IFNAR2: variants seen among roughly 807,000 people sequenced by gnomAD.
The protein encoded by IFNAR2 is interferon alpha/beta receptor 2.
A neutral mutation model predicts 49.4 loss-of-function variants in IFNAR2; 30 were observed. That is an observed-to-expected ratio of 0.61 (90% CI 0.45 to 0.82). IFNAR2 has a LOEUF of 0.82. IFNAR2 is among the 40% of genes least tolerant of loss of function. The probability of loss-of-function intolerance (pLI) is 0.00; values close to 1 mark genes in which losing one functional copy is unlikely to be tolerated. For synonymous variants in IFNAR2, 224 were observed against 234.5 expected (o/e 0.96, Z 0.41); for missense variants, 600 against 622.7 (o/e 0.96, Z 0.39).
chr21:33,240,407 C>G (rs1986831383), intron 1 of IFNAR2, among the ~76,000 whole-genome samples: 1 of 152,174 alleles, frequency 6.6e-6, no homozygotes, highest in Admixed American at 6.5e-5. Flanking sequence ...CTAGGTTTGT[C>G]TAAGTATACT....
chr21:33,259,248 T>C (rs1485196407), intron 7 of IFNAR2, among the ~76,000 whole-genome samples: 2 of 152,100 alleles, frequency 1.3e-5, no homozygotes, highest in South Asian at 4.1e-4. Flanking sequence ...CCATCTTTCA[T>C]GAAGAAGATA....
chr21:33,255,303 A>G (rs1257417012), intron 7 of IFNAR2, among the ~76,000 whole-genome samples: 2 of 152,146 alleles, frequency 1.3e-5, no homozygotes, highest in Non-Finnish European at 2.9e-5. Context: ...CACAGACCCC[A>G]CAGGTTAAAG....
chr21:33,254,751 T>A (rs183611131), intron 7 of IFNAR2, among the ~76,000 whole-genome samples: 98 of 152,304 alleles, frequency 6.4e-4, no homozygotes, highest in Middle Eastern at 3.4e-3. Context: ...CTTTCCAGAT[T>A]GAACCAGTGT....
Position 33,230,375 on chromosome 21 carries a change from T to C in IFNAR2, c.-84+159T>C. On this transcript the variant is annotated intron_variant, in intron 1 of 8. Coordinates refer to ENST00000342136, the MANE Select transcript of IFNAR2 (RefSeq NM_001289125.3). This position sits in a 1 kb window ranked among gnomAD's most constrained non-coding sequence, Gnocchi z 5.5. ...CTGCCCTCCCTCTGCGTCTTGAGTA[T>C]GCGGCTAGTGCGCCCTTCCTCTCTC... The C allele has an allele frequency of 6.9e-6, 4 of 577,022 alleles. No individual in the cohort carries two copies. Among genetic ancestry groups the C allele is most frequent in the South Asian group, 1.9e-5 (1 of 52,326 alleles). The allele number at this position is 577,022 out of a possible 1,614,324, so 35.7% of individuals were successfully genotyped here.
Position 33,230,816 on chromosome 21 carries a change from C to G in IFNAR2, c.-84+600C>G, listed in dbSNP as rs117258653. Among the ~76,000 whole-genome samples the G allele has an allele frequency of 0.014, 2,062 of 152,212 alleles. 17 individuals carry two copies. The highest frequency in any genetic ancestry group is 0.051 in the South Asian group (246 of 4,828). On this transcript the variant is annotated intron_variant, in intron 1 of 8. Coordinates refer to ENST00000342136, the MANE Select transcript of IFNAR2 (RefSeq NM_001289125.3). This position sits in a 1 kb window ranked among gnomAD's most constrained non-coding sequence, Gnocchi z 5.5. ...TGGCCGCGGAGACAGAAGGGTGCAC[C>G]CTCCCAGGGTCGGAGAGGGGAGATA...
Position 33,248,846 on chromosome 21 carries a change from G to A in IFNAR2, c.532G>A (p.Val178Ile), listed in dbSNP as rs1458317423. 2 of 1,600,492 alleles carry A rather than the reference G, an allele frequency of 1.2e-6. No homozygotes were observed. The highest frequency in any genetic ancestry group is 2.3e-5 in the South Asian group (2 of 88,690). Reference sequence around the variant, plus strand: ...CATTGAAGAACAGTCAGAGGGAATTGTTAAGAAGGTAAGTGGCTTCTCCTG... The same window carrying A: ...CATTGAAGAACAGTCAGAGGGAATTATTAAGAAGGTAAGTGGCTTCTCCTG... ...LVIEEQSEGI[V>I]KKHKPEIKGN... is the part of the protein sequence containing the mutation. Residue 178 changes from valine (V) to isoleucine (I), a missense_variant, in exon 6 of 9, where the codon GTT becomes ATT. Transcript: ENST00000342136.
chr21:33,230,465 C>G lies in IFNAR2; in HGVS notation c.-84+249C>G, dbSNP rs1272303187. Reference sequence around the variant, plus strand: ...CTGTCCTGCGCCCTCCACGCGTCGCCCCTGCTGGGAGTCCGCTTTCGTTGC... The same window carrying G: ...CTGTCCTGCGCCCTCCACGCGTCGCGCCTGCTGGGAGTCCGCTTTCGTTGC... On this transcript the variant is annotated intron_variant, in intron 1 of 8. Coordinates refer to ENST00000342136, the MANE Select transcript of IFNAR2 (RefSeq NM_001289125.3). The surrounding 1 kb of genome is among the most constrained non-coding windows in gnomAD (Gnocchi z 5.5). 2.1e-6 allele frequency: 1 copy of G among 470,696 alleles called. No homozygotes were observed. Among genetic ancestry groups the G allele is most frequent in the Non-Finnish European group, 4.4e-6 (1 of 227,804 alleles). 29.2% of individuals were successfully genotyped at this position (470,696 alleles called of 1,614,324 possible). A position where few individuals can be genotyped will look rare whatever the true frequency, so the allele number is the denominator to read the frequency against.
At chr21:33,231,730 T>TGTTTGGTTTG (rs578140787) in intron 1 of IFNAR2, 1 of 979,050 alleles carries the variant, frequency 1.0e-6, no homozygotes, top group African/African-American at 1.8e-5. Flanking sequence ...TGTTTTGTTT[T>TGTTTGGTTTG]GTTTGGTTTG....
At position 33,252,717 on chromosome 21, in the gene IFNAR2, A is replaced by T. The variant is rs150933837; in HGVS notation, c.596A>T (p.Lys199Met). ...MSGNFTYIID[K>M]LIPNTNYCVS... ...GGAAATTTCACCTATATCATTGACA[A>T]GTTAATTCCAAACACGAACTACTGT... The change falls in exon 7 of 9, where the codon AAG (lysine) becomes ATG (methionine). Residue 199 changes from lysine to methionine, a missense_variant. Lys to Met is a moderately conservative substitution (Grantham distance 95). Coordinates refer to ENST00000342136, the MANE Select transcript of IFNAR2 (RefSeq NM_001289125.3). 2 of 1,613,810 alleles carry T rather than the reference A, an allele frequency of 1.2e-6. No individual in the cohort carries two copies. The highest frequency in any genetic ancestry group is 1.7e-6 in the Non-Finnish European group (2 of 1,179,748).
chr21:33,252,012 G>C (rs1003862294), intron 6 of IFNAR2: 1 of 254,008 alleles, frequency 3.9e-6, no homozygotes, highest in South Asian at 3.4e-5. Context: ...GAACCCAGGA[G>C]GTGGAGGTTG....
chr21:33,256,179 T>A (rs1988195938), intron 7 of IFNAR2, among the ~76,000 whole-genome samples: 1 of 152,144 alleles, frequency 6.6e-6, no homozygotes, highest in Non-Finnish European at 1.5e-5. Context: ...TGACTCACTT[T>A]CTCCCCTGAC....
rs1985926536 is a variant in IFNAR2 at position 33,230,139 on chromosome 21, GC to G, written c.-160del. On this transcript the variant is annotated 5_prime_UTR_variant, in exon 1 of 9. Coordinates refer to ENST00000342136, the MANE Select transcript of IFNAR2 (RefSeq NM_001289125.3). This position sits in a 1 kb window ranked among gnomAD's most constrained non-coding sequence, Gnocchi z 5.5. ...CCCGCGAGGCGCATCCTGACCGCGA[GC>G]GTCGGGTCCCAGAGCCGGGCGCGGC... is the stretch of plus-strand genomic sequence containing the variant. 7.0e-6 allele frequency: 7 copies of G among 993,324 alleles called. No individual in the cohort carries two copies. Among genetic ancestry groups the G allele is most frequent in the Non-Finnish European group, 8.4e-6 (7 of 833,956 alleles). The allele number at this position is 993,324 out of a possible 1,614,324, so 61.5% of individuals were successfully genotyped here. A position where few individuals can be genotyped will look rare whatever the true frequency, so the allele number is the denominator to read the frequency against.
chr21:33,238,993 G>A (rs1330895389), intron 1 of IFNAR2, among the ~76,000 whole-genome samples: 2 of 152,192 alleles, frequency 1.3e-5, no homozygotes, highest in African/African-American at 4.8e-5. Flanking sequence ...AGAACTTGAT[G>A]ATATACCTCT....
intron 7 of IFNAR2, among the ~76,000 whole-genome samples, chr21:33,257,818 G>A (rs2123520901): frequency 6.9e-6 from 1 of 144,646 alleles, no homozygotes; most frequent in Middle Eastern, 3.4e-3. Context: ...ACTGGAAAAG[G>A]GGACATGGGC....
At chr21:33,262,729 A>G (rs751741056) in intron 8 of IFNAR2, 64 bp from the exon 9 acceptor site, 2 of 1,590,120 alleles carry the variant, frequency 1.3e-6, no homozygotes, top group East Asian at 4.5e-5. Flanking sequence ...TTTATTATGT[A>G]GAAAATAAAG....
At chr21:33,252,336 G>T in intron 6 of IFNAR2, 1 of 640,464 alleles carries the variant, frequency 1.6e-6, no homozygotes. Context: ...GACACACACT[G>T]TCCATGAGAG....
chr21:33,247,792 C>T (rs889453957), intron 5 of IFNAR2, among the ~76,000 whole-genome samples: 1 of 152,194 alleles, frequency 6.6e-6, no homozygotes, highest in Non-Finnish European at 1.5e-5. Flanking sequence ...TCCAAGAGAA[C>T]CATCTGGTCT....
At chr21:33,234,792 G>A (rs1226761379) in intron 1 of IFNAR2, 1 of 974,698 alleles carries the variant, frequency 1.0e-6, no homozygotes, top group East Asian at 1.1e-4. Context: ...ATGAGTTGTT[G>A]GCTTCGCACA....
rs188049094 is a variant in IFNAR2 at position 33,249,237 on chromosome 21, C to T, written c.540+383C>T. On this transcript the variant is annotated intron_variant, in intron 6 of 8. Coordinates refer to ENST00000342136, the MANE Select transcript of IFNAR2 (RefSeq NM_001289125.3). The stretch of plus-strand genomic sequence containing the variant: ...CAGGCATCTGTAATCCTAGCTACTC[C>T]GGAGGCTGAGGCAGGATAATCGCTT... 2.6e-5 allele frequency among the ~76,000 whole-genome samples: 4 copies of T among 151,228 alleles called. No homozygotes were observed. In the East Asian group the frequency reaches 5.8e-4, roughly 22 times the overall value.
Sources: gnomAD v4.1 joint callset for allele counts (sites outside exome capture counted in the v4.1 genomes callset) on GRCh38, gnomAD v4.1.1 for gene constraint, Gnocchi (gnomAD v3.1) non-coding constraint, MANE v1.5 for transcripts, NCBI Gene and HGNC (gene_info 2026-07-23, HGNC 2026-07-21) for gene names.